Variants in CNTN5 observed in about 807,000 individuals in gnomAD.
CNTN5 encodes the protein contactin-5.
A neutral mutation model predicts 129.1 loss-of-function variants in CNTN5; 77 were observed. The observed-to-expected ratio is 0.60, with a 90% CI of 0.50 to 0.72. The LOEUF is 0.72. Ranked by LOEUF, CNTN5 falls within the 30% of genes least tolerant of loss-of-function variation. The probability of loss-of-function intolerance (pLI) is 0.00; values close to 1 mark genes in which losing one functional copy is unlikely to be tolerated. For synonymous variants in CNTN5, 509 were observed against 465.6 expected, an observed-to-expected ratio of 1.09 and a Z score of -1.20; for missense variants, 1,478 against 1,328.8, an observed-to-expected ratio of 1.11 and a Z score of -1.75.
intron 7 of CNTN5, among the ~76,000 whole-genome samples, chr11:99,949,303 C>T (rs958331711): frequency 2.0e-5 from 3 of 152,098 alleles, no homozygotes; most frequent in Non-Finnish European, 4.4e-5. Context: ...TTTGTCATGT[C>T]CAAAGTTGAA....
At chr11:100,102,952 G>A (rs1945279961) in intron 13 of CNTN5, among the ~76,000 whole-genome samples, 1 of 152,114 alleles carries the variant, frequency 6.6e-6, no homozygotes, top group South Asian at 2.1e-4. Context: ...CACCCAATAT[G>A]AGAATTCCTC....
chr11:99,789,657 C>G (rs960117032), intron 3 of CNTN5, among the ~76,000 whole-genome samples: 4 of 151,976 alleles, frequency 2.6e-5, no homozygotes, highest in Non-Finnish European at 5.9e-5. Context: ...TGTTCTTTCA[C>G]TGTTTGAAAT....
intron 13 of CNTN5, among the ~76,000 whole-genome samples, chr11:100,119,896 T>G (rs1234260941): frequency 6.6e-6 from 1 of 151,994 alleles, no homozygotes; most frequent in Non-Finnish European, 1.5e-5. Flanking sequence ...AAAGGAGTTC[T>G]GCACATTGGT....
At chr11:99,313,697 T>G (rs1865214009) in intron 1 of CNTN5, among the ~76,000 whole-genome samples, 1 of 152,106 alleles carries the variant, frequency 6.6e-6, no homozygotes, top group Non-Finnish European at 1.5e-5. Context: ...AAATTAATAT[T>G]TAGTAATAAT....
Position 99,039,285 on chromosome 11 carries a change from G to T in CNTN5, c.-210+18015G>T, listed in dbSNP as rs549853675. 1.9e-3 allele frequency among the ~76,000 whole-genome samples: 295 copies of T among 152,126 alleles called. 3 individuals carry two copies. The highest frequency in any genetic ancestry group is 6.8e-3 in the African/African-American group (284 of 41,512). On this transcript the variant is annotated intron_variant, in intron 1 of 24. Transcript: ENST00000524871. ...AGATCATTGGCTATATTTAAGAATG[G>T]GAGCAGACTATTACCTCTTTTATTC...
At chr11:100,041,293 G>A (rs1199478024) in intron 9 of CNTN5, among the ~76,000 whole-genome samples, 1 of 152,042 alleles carries the variant, frequency 6.6e-6, no homozygotes, top group Non-Finnish European at 1.5e-5. Context: ...TAGATTGGCT[G>A]TGCCTATGTC....
In CNTN5 at chr11:99,590,086, A is replaced by G. The variant is rs373604404; in HGVS notation, c.55+33817A>G. Among the ~76,000 whole-genome samples, 34 of 152,264 alleles carry G rather than the reference A, an allele frequency of 2.2e-4. 1 individual carries two copies. In the South Asian group the frequency reaches 6.6e-3, roughly 30 times the overall value. ...GGAAGGATCATCCAGAGGAAGATAA[A>G]CATCATGAGCAGAGATGAACAGGCC... On this transcript the variant is annotated intron_variant, in intron 3 of 24. Coordinates refer to ENST00000524871, the MANE Select transcript of CNTN5 (RefSeq NM_014361.4).
chr11:99,422,087 G>T (rs1451823627), intron 2 of CNTN5, among the ~76,000 whole-genome samples: 1 of 152,094 alleles, frequency 6.6e-6, no homozygotes, highest in Non-Finnish European at 1.5e-5. Flanking sequence ...GTCAGTGAGA[G>T]GCGGAAATCT....
intron 20 of CNTN5, among the ~76,000 whole-genome samples, chr11:100,303,191 AC>A (rs1447507260): frequency 6.6e-6 from 1 of 151,446 alleles, no homozygotes; most frequent in Non-Finnish European, 1.5e-5. Flanking sequence ...TGTCCTTTAA[AC>A]CGAGCAAGGT....
chr11:100,267,280 CAGAGAG>C (rs1555053698), intron 17 of CNTN5, among the ~76,000 whole-genome samples: 2 of 148,478 alleles, frequency 1.3e-5, no homozygotes, highest in African/African-American at 5.0e-5. Flanking sequence ...CACACACACA[CAGAGAG>C]AGAGAGAAAG....
At chr11:100,282,828 C>T (rs565607071) in intron 18 of CNTN5, among the ~76,000 whole-genome samples, 100 of 138,732 alleles carry the variant, frequency 7.2e-4, no homozygotes, top group African/African-American at 2.6e-3. Context: ...CTTCCCTCTC[C>T]TTTCCAAAGG....
At chr11:99,841,117 A>G (rs546699181) in intron 4 of CNTN5, among the ~76,000 whole-genome samples, 4 of 152,158 alleles carry the variant, frequency 2.6e-5, no homozygotes, top group East Asian at 1.9e-4. Context: ...TCACATTTCT[A>G]TTTACTGTCA....
chr11:99,395,189 C>T (rs943773244), intron 2 of CNTN5, among the ~76,000 whole-genome samples: 3 of 151,872 alleles, frequency 2.0e-5, no homozygotes, highest in Non-Finnish European at 4.4e-5. Context: ...TTCTCCCCAA[C>T]CTCACAAGCA....
intron 2 of CNTN5, among the ~76,000 whole-genome samples, chr11:99,329,914 GACACACACACACACACAC>G (rs58544462): frequency 9.3e-5 from 13 of 140,378 alleles, no homozygotes; most frequent in African/African-American, 3.2e-4. Context: ...TACAAGCAGT[GACACACACACACACACAC>G]ACACACACAC....
At position 100,193,780 on chromosome 11, in the gene CNTN5, A is replaced by G. The variant is rs17094583; in HGVS notation, c.1884+117A>G. ...AAAAAAAAAACAGAACATCGACTTG[A>G]TAAAAACAATTACTTTCTGCCATTA... On this transcript the variant is annotated intron_variant, in intron 15 of 24. Coordinates refer to ENST00000524871, the MANE Select transcript of CNTN5 (RefSeq NM_014361.4). The G allele has an allele frequency of 6.1e-3, 4,667 of 760,378 alleles. 164 individuals are homozygous for G. In the African/African-American group the frequency reaches 0.076, roughly 12 times the overall value. 47.1% of individuals were successfully genotyped at this position (760,378 alleles called of 1,614,324 possible).
intron 2 of CNTN5, among the ~76,000 whole-genome samples, chr11:99,532,982 G>T (rs910933934): frequency 2.6e-5 from 4 of 152,184 alleles, no homozygotes; most frequent in Admixed American, 6.5e-5. Flanking sequence ...CAGCACTTTG[G>T]GAGGCTGTGG....
intron 7 of CNTN5, among the ~76,000 whole-genome samples, chr11:99,924,597 A>G (rs1009173638): frequency 2.0e-5 from 3 of 151,964 alleles, no homozygotes; most frequent in African/African-American, 7.2e-5. Flanking sequence ...CCATTGGTCT[A>G]TGTGTACCAG....
chr11:99,433,577 A>G (rs1482186260), intron 2 of CNTN5, among the ~76,000 whole-genome samples: 1 of 152,048 alleles, frequency 6.6e-6, no homozygotes. Context: ...GTTTATTTCT[A>G]ATCTTCTCTG....
intron 15 of CNTN5, among the ~76,000 whole-genome samples, chr11:100,214,242 A>G (rs1949094294): frequency 6.6e-6 from 1 of 152,170 alleles, no homozygotes; most frequent in African/African-American, 2.4e-5. Flanking sequence ...TTCTTTTAAA[A>G]TGTCTGCCAA....
Sources: allele counts gnomAD v4.1 joint callset (sites outside exome capture counted in the v4.1 genomes callset), GRCh38; gene constraint gnomAD v4.1.1; transcripts MANE v1.5; gene names NCBI Gene and HGNC (gene_info 2026-07-23, HGNC 2026-07-21).